Variants in EFCAB12 observed in about 807,000 individuals in gnomAD.
EFCAB12 encodes EF-hand calcium-binding domain-containing protein 12.
EFCAB12 carries 43 observed loss-of-function variants against 53.6 expected under a neutral mutation model. The ratio of observed to expected loss-of-function variants is 0.80; its 90% CI spans 0.63 to 1.03. The LOEUF is 1.03. Ranked by LOEUF, EFCAB12 falls within the 50% of genes least tolerant of loss-of-function variation. The pLI, the probability that EFCAB12 is intolerant of heterozygous loss-of-function variation, is 0.00. For synonymous variants in EFCAB12, 269 were observed against 289.2 expected, an observed-to-expected ratio of 0.93 and a Z score of 0.71; for missense variants, 646 against 730.6, an observed-to-expected ratio of 0.88 and a Z score of 1.34.
At chr3:129,409,185 C>T (rs1404234893) in intron 5 of EFCAB12, among the ~76,000 whole-genome samples, 1 of 152,258 alleles carries the variant, frequency 6.6e-6, no homozygotes, top group African/African-American at 2.4e-5. Context: ...CAAGATGGCT[C>T]ACACCTGTCA....
chr3:129,425,715 T>C (rs1258236395), intron 1 of EFCAB12, among the ~76,000 whole-genome samples: 1 of 152,206 alleles, frequency 6.6e-6, no homozygotes, highest in Non-Finnish European at 1.5e-5. Flanking sequence ...GCTGTCATTG[T>C]GTAGTTATGG....
intron 7 of EFCAB12, 38 bp downstream of exon 7, chr3:129,404,212 G>A: frequency 6.3e-7 from 1 of 1,595,454 alleles, no homozygotes; most frequent in East Asian, 2.2e-5. Flanking sequence ...AATGGAGCAG[G>A]AGGCCAAGGC....
intron 6 of EFCAB12, among the ~76,000 whole-genome samples, chr3:129,405,768 C>A (rs1311383856): frequency 6.6e-6 from 1 of 152,120 alleles, no homozygotes; most frequent in Non-Finnish European, 1.5e-5. Context: ...GGAGATCAGG[C>A]CTCTGTCATA....
At chr3:129,411,996 A>C (rs1411451962) in intron 4 of EFCAB12, 2 of 152,446 alleles carry the variant, frequency 1.3e-5, no homozygotes, top group Non-Finnish European at 2.9e-5. Context: ...GGATCAGCTG[A>C]GGTCAGTAGT....
chr3:129,402,086 A>C (rs2071879683), intron 8 of EFCAB12, among the ~76,000 whole-genome samples: 1 of 152,220 alleles, frequency 6.6e-6, no homozygotes, highest in South Asian at 2.1e-4. Context: ...GGCCAAGTGC[A>C]GGCTTCATTC....
At chr3:129,426,893 G>A (rs1270750100) in intron 1 of EFCAB12, among the ~76,000 whole-genome samples, 1 of 146,894 alleles carries the variant, frequency 6.8e-6, no homozygotes, top group Non-Finnish European at 1.5e-5. Context: ...TGTCACCCAG[G>A]CTGGAGTGCA....
At position 129,404,287 on chromosome 3, in the gene EFCAB12, G is replaced by A. The variant is rs375181914; in HGVS notation, c.1366C>T (p.Arg456Trp). 25 of 1,613,714 alleles carry A rather than the reference G, an allele frequency of 1.5e-5. No individual in the cohort carries two copies. The highest frequency in any genetic ancestry group is 3.3e-4 in the Middle Eastern group (2 of 6,084). ...TTAGACTTGCCAGGGCCCTGGGACC[G>A]GAGCAGAGCCAGATTCGGAGAAAAG... Reference protein sequence around the residue: ...KVFSPNLALLRSQGPGKSKRT... With the variant: ...KVFSPNLALLWSQGPGKSKRT... The change falls in exon 7 of 9, where the codon CGG becomes TGG. Residue 456 changes from arginine (R) to tryptophan (W), a missense_variant. Coordinates refer to ENST00000505956, the MANE Select transcript of EFCAB12 (RefSeq NM_207307.3).
At chr3:129,407,146 G>T (rs1000739340) in intron 6 of EFCAB12, among the ~76,000 whole-genome samples, 2 of 152,210 alleles carry the variant, frequency 1.3e-5, no homozygotes, top group Non-Finnish European at 2.9e-5. Context: ...GAGACAACAG[G>T]TGTGCATGTG....
chr3:129,419,538 G>A (rs1340764075), intron 2 of EFCAB12, among the ~76,000 whole-genome samples: 1 of 152,226 alleles, frequency 6.6e-6, no homozygotes, highest in African/African-American at 2.4e-5. Flanking sequence ...TATCATGGAA[G>A]AGGGCTCGTT....
At position 129,404,423 on chromosome 3, in the gene EFCAB12, C is replaced by T. The variant is rs2071919728; in HGVS notation, c.1250-20G>A. The T allele has an allele frequency of 6.3e-7, 1 of 1,598,450 alleles. No homozygotes were observed. Among genetic ancestry groups the T allele is most frequent in the Non-Finnish European group, 8.5e-7 (1 of 1,170,628 alleles). ...GCAAGGCTGTGGACAGCAAGAGAAA[C>T]ATCTGCACCCATCAACCCAGACTGC... On this transcript the variant is annotated intron_variant, in intron 6 of 8. Coordinates refer to ENST00000505956, the MANE Select transcript of EFCAB12 (RefSeq NM_207307.3).
chr3:129,414,327 GTAAACTCC>G (rs1041721454), intron 4 of EFCAB12: 7 of 152,230 alleles, frequency 4.6e-5, no homozygotes, highest in Non-Finnish European at 7.3e-5. Flanking sequence ...TGGTGTGACT[GTAAACTCC>G]AACGGCCTCA....
chr3:129,404,367 A>G lies in EFCAB12; in HGVS notation c.1286T>C (p.Met429Thr), dbSNP rs372592413. The G allele has an allele frequency of 3.7e-6, 6 of 1,613,690 alleles. No homozygotes were observed. The highest frequency in any genetic ancestry group is 5.1e-6 in the Non-Finnish European group (6 of 1,179,858). ...LYPGDKIIFQ[M>T]DKVCPIRQPG... ...CTGCCGGATGGGGCACACTTTGTCC[A>G]TCTGGAAAATGATCTTGTCTCCTGG... Residue 429 changes from methionine (M) to threonine (T), a missense_variant, in exon 7 of 9, where the codon ATG becomes ACG. Coordinates refer to ENST00000505956, the MANE Select transcript of EFCAB12 (RefSeq NM_207307.3).
chr3:129,415,036 G>T (rs574113294), intron 4 of EFCAB12: 70 of 493,034 alleles, frequency 1.4e-4, no homozygotes, highest in African/African-American at 1.4e-3. Flanking sequence ...TCTTTGAATG[G>T]ACACAGTGGT....
intron 4 of EFCAB12, chr3:129,414,469 G>A (rs563693603): frequency 4.6e-5 from 7 of 152,226 alleles, no homozygotes; most frequent in Non-Finnish European, 1.0e-4. Context: ...CCTGGTAGAT[G>A]GGAACAGAGC....
At position 129,418,276 on chromosome 3, in the gene EFCAB12, T is replaced by C. The variant is rs761365743; in HGVS notation, c.659A>G (p.Glu220Gly). ...TACTGCCTTTACAGCCGCGATGAACTCCTCCCTGGTGATTCTCTGGTTCTC... is the reference window on the plus strand; with the variant it reads ...TACTGCCTTTACAGCCGCGATGAACCCCTCCCTGGTGATTCTCTGGTTCTC... Reference protein sequence around the residue: ...QGENQRITREEFIAAVKAVGV... With the variant: ...QGENQRITREGFIAAVKAVGV... Residue 220 changes from glutamate to glycine, a missense_variant, in exon 3 of 9, where the codon GAG becomes GGG. Transcript: ENST00000505956. 1.4e-5 allele frequency: 23 copies of C among 1,611,678 alleles called. No homozygotes were observed. The highest frequency in any genetic ancestry group is 1.9e-5 in the Non-Finnish European group (22 of 1,178,506).
chr3:129,422,060 T>C lies in EFCAB12; in HGVS notation c.50-257A>G, dbSNP rs73202281. 0.09 allele frequency among the ~76,000 whole-genome samples: 13,763 copies of C among 152,216 alleles called. 701 individuals are homozygous for C. The highest frequency in any genetic ancestry group is 0.14 in the South Asian group (668 of 4,814). ...CATACCCAGCCCCCAACACCTCCCA[T>C]TGGCAATCAGAATGAACTTTTAAAG... On this transcript the variant is annotated intron_variant, in intron 1 of 8. Coordinates refer to ENST00000505956, the MANE Select transcript of EFCAB12 (RefSeq NM_207307.3).
chr3:129,401,921 C>T, intron 8 of EFCAB12, 70 bp from the exon 9 acceptor site: 1 of 1,545,174 alleles, frequency 6.5e-7, no homozygotes, highest in Non-Finnish European at 8.7e-7. Context: ...CATCGCAGAG[C>T]CCACCAACTG....
At chr3:129,424,337 A>T (rs764023181) in intron 1 of EFCAB12, among the ~76,000 whole-genome samples, 1 of 152,214 alleles carries the variant, frequency 6.6e-6, no homozygotes, top group Non-Finnish European at 1.5e-5. Context: ...GGAGGGGTCT[A>T]GTGGGAGGTG....
chr3:129,404,474 C>T, intron 6 of EFCAB12, 71 bp from the exon 7 acceptor site: 1 of 1,376,476 alleles, frequency 7.3e-7, no homozygotes, highest in East Asian at 2.5e-5. Flanking sequence ...CCTCTGGGGT[C>T]AGAGGAGGTG....
Sources: gnomAD v4.1 joint callset for allele counts (sites outside exome capture counted in the v4.1 genomes callset) on GRCh38, gnomAD v4.1.1 for gene constraint, MANE v1.5 for transcripts, NCBI Gene and HGNC (gene_info 2026-07-23, HGNC 2026-07-21) for gene names.